Variants in TAOK3 observed in about 807,000 individuals in gnomAD.
The protein encoded by TAOK3 is serine/threonine-protein kinase TAO3.
TAOK3 carries 40 observed loss-of-function variants against 120.4 expected under a neutral mutation model. The ratio of observed to expected loss-of-function variants is 0.33; its 90% CI spans 0.26 to 0.43. The LOEUF is 0.43. Among genes scored for constraint, TAOK3 ranks in the 20% least tolerant of loss-of-function variants. TAOK3 has a pLI of 1.00. For missense variants in TAOK3, 821 were observed against 1,112.1 expected (o/e 0.74, Z 3.72); for synonymous variants, 355 against 387.5 (o/e 0.92, Z 0.99).
At chr12:118,206,239 T>C (rs576188994) in intron 11 of TAOK3, among the ~76,000 whole-genome samples, 1 of 152,344 alleles carries the variant, frequency 6.6e-6, no homozygotes, top group Non-Finnish European at 1.5e-5. Context: ...AGAAAGAGCT[T>C]GGGTCGATGA....
intron 1 of TAOK3, among the ~76,000 whole-genome samples, chr12:118,290,018 T>C (rs1009066510): frequency 1.3e-5 from 2 of 149,652 alleles, no homozygotes; most frequent in African/African-American, 4.9e-5. Context: ...GAGAAAGAAA[T>C]AGAATGAATC....
intron 1 of TAOK3, among the ~76,000 whole-genome samples, chr12:118,370,375 A>G (rs2045863277): frequency 6.6e-6 from 1 of 152,246 alleles, no homozygotes; most frequent in South Asian, 2.1e-4. Flanking sequence ...TTATATATTT[A>G]GGAAATAATA....
intron 9 of TAOK3, among the ~76,000 whole-genome samples, chr12:118,218,394 G>T (rs977829414): frequency 1.3e-5 from 2 of 152,088 alleles, no homozygotes; most frequent in Admixed American, 6.6e-5. Context: ...GTTCCCCCCT[G>T]CATATACCAA....
chr12:118,255,810 C>T (rs1391969226), intron 2 of TAOK3, 155 bp from the exon 3 acceptor site: 3 of 311,976 alleles, frequency 9.6e-6, no homozygotes, highest in Admixed American at 9.9e-5. Context: ...TGGCCGGGCG[C>T]GGTGGCTCAT....
At chr12:118,300,988 C>T (rs2042861254) in intron 1 of TAOK3, among the ~76,000 whole-genome samples, 1 of 152,092 alleles carries the variant, frequency 6.6e-6, no homozygotes, top group Non-Finnish European at 1.5e-5. Context: ...GTTGGCCAGG[C>T]TGATCTTGAA....
At chr12:118,347,928 GCT>G (rs1486360714) in intron 1 of TAOK3, among the ~76,000 whole-genome samples, 3 of 152,030 alleles carry the variant, frequency 2.0e-5, no homozygotes, top group Admixed American at 6.6e-5. Context: ...TCTTTCAAAG[GCT>G]CTGATTGCAT....
At chr12:118,155,436 A>G (rs1224107826) in intron 19 of TAOK3, among the ~76,000 whole-genome samples, 1 of 152,262 alleles carries the variant, frequency 6.6e-6, no homozygotes, top group Non-Finnish European at 1.5e-5. Context: ...CTGTCCCTTT[A>G]CAGACAAAGT....
Position 118,244,875 on chromosome 12 carries a change from A to G in TAOK3, c.192+19T>C. Reference sequence around the variant, plus strand: ...AACTTGTTTATTTCAGTTTAGGTATACAACTGTCTCTATCTCACCTCATGG... The same window carrying G: ...AACTTGTTTATTTCAGTTTAGGTATGCAACTGTCTCTATCTCACCTCATGG... On this transcript the variant is annotated intron_variant, in intron 4 of 20. Coordinates refer to ENST00000392533, the MANE Select transcript of TAOK3 (RefSeq NM_016281.4). The G allele has an allele frequency of 1.3e-6, 2 of 1,574,454 alleles. No homozygotes were observed. The highest frequency in any genetic ancestry group is 1.7e-5 in the Admixed American group (1 of 59,662).
intron 1 of TAOK3, among the ~76,000 whole-genome samples, chr12:118,362,122 T>C (rs577819586): frequency 4.6e-5 from 7 of 152,128 alleles, no homozygotes; most frequent in Non-Finnish European, 1.0e-4. Flanking sequence ...GAAATATTTA[T>C]TGTGCAACTA....
intron 17 of TAOK3, among the ~76,000 whole-genome samples, chr12:118,166,441 G>A (rs1049326184): frequency 4.6e-5 from 7 of 152,020 alleles, no homozygotes; most frequent in Non-Finnish European, 1.0e-4. Flanking sequence ...GGGAGGCTGA[G>A]GCAGGAGAAT....
At chr12:118,213,486 CTTTAATA>C (rs1449873524) in intron 10 of TAOK3, among the ~76,000 whole-genome samples, 1 of 152,128 alleles carries the variant, frequency 6.6e-6, no homozygotes, top group Non-Finnish European at 1.5e-5. Flanking sequence ...ATCCGTTCTT[CTTTAATA>C]TTGCCCCTTT....
chr12:118,235,547 A>C lies in TAOK3; in HGVS notation c.551+11T>G, dbSNP rs1555227444. 1.2e-6 allele frequency: 2 copies of C among 1,604,844 alleles called. No individual in the cohort carries two copies. The highest frequency in any genetic ancestry group is 2.2e-5 in the South Asian group (2 of 90,774). On this transcript the variant is annotated intron_variant, in intron 8 of 20. Transcript: ENST00000392533. ...TTTTAAAACTATGTCATATAGCCTAATTCTACATACCAGTAAGGTGTGCCC... is the reference window on the plus strand; with the variant it reads ...TTTTAAAACTATGTCATATAGCCTACTTCTACATACCAGTAAGGTGTGCCC...
intron 1 of TAOK3, among the ~76,000 whole-genome samples, chr12:118,317,400 G>A (rs1357663702): frequency 2.0e-5 from 3 of 146,954 alleles, no homozygotes; most frequent in East Asian, 4.4e-4. Flanking sequence ...CTGGGTTCAC[G>A]CCATTCTCCT....
At chr12:118,260,683 T>C (rs1442337194) in intron 2 of TAOK3, among the ~76,000 whole-genome samples, 2 of 152,134 alleles carry the variant, frequency 1.3e-5, no homozygotes, top group Non-Finnish European at 2.9e-5. Flanking sequence ...TATGCATATA[T>C]GTATGTCATT....
intron 1 of TAOK3, among the ~76,000 whole-genome samples, chr12:118,308,173 C>T (rs1348337782): frequency 6.6e-6 from 1 of 151,500 alleles, no homozygotes; most frequent in Non-Finnish European, 1.5e-5. Flanking sequence ...GACCTCTGGT[C>T]GTCCTCACTG....
intron 1 of TAOK3, among the ~76,000 whole-genome samples, chr12:118,355,501 G>A (rs1039759108): frequency 6.6e-6 from 1 of 152,128 alleles, no homozygotes; most frequent in African/African-American, 2.4e-5. Flanking sequence ...ATCTACAGTC[G>A]ATCCCTGTCT....
chr12:118,368,218 A>ACGGAGTCT (rs1392065802), intron 1 of TAOK3, among the ~76,000 whole-genome samples: 1 of 152,090 alleles, frequency 6.6e-6, no homozygotes, highest in Admixed American at 6.5e-5. Context: ...ATTTTTTGAG[A>ACGGAGTCT]CGGAGTCTCG....
intron 5 of TAOK3, among the ~76,000 whole-genome samples, chr12:118,240,156 G>A (rs1038469614): frequency 5.9e-5 from 9 of 151,420 alleles, no homozygotes; most frequent in Admixed American, 4.6e-4. Flanking sequence ...AAAAGCAAAA[G>A]TGAGAAACCT....
At chr12:118,258,859 C>A (rs7303417) in intron 2 of TAOK3, among the ~76,000 whole-genome samples, 18,454 of 151,942 alleles carry the variant, frequency 0.12, 1,207 homozygotes, top group Middle Eastern at 0.15. Flanking sequence ...TTAAGAAAAT[C>A]AAAAAGACCT....
Sources: gnomAD v4.1 joint callset for allele counts (sites outside exome capture counted in the v4.1 genomes callset) on GRCh38, gnomAD v4.1.1 for gene constraint, MANE v1.5 for transcripts, NCBI Gene and HGNC (gene_info 2026-07-23, HGNC 2026-07-21) for gene names.